ASPH: variants seen among roughly 807,000 people sequenced by gnomAD.
ASPH encodes aspartate beta-hydroxylase, also known as aspartyl/asparaginyl beta-hydroxylase.
In ASPH, 100 loss-of-function variants were observed where a neutral mutation model predicts 118.4. The ratio of observed to expected loss-of-function variants is 0.84; its 90% CI spans 0.72 to 1.00. ASPH has a LOEUF of 1.00. Ranked by LOEUF, ASPH falls within the 50% of genes least tolerant of loss-of-function variation. The pLI is 0.00. For missense variants in ASPH, 920 were observed against 919.5 expected, an observed-to-expected ratio of 1.00 and a Z score of -0.01; for synonymous variants, 315 against 325.6, an observed-to-expected ratio of 0.97 and a Z score of 0.35.
intron 12 of ASPH, among the ~76,000 whole-genome samples, chr8:61,636,414 G>T (rs936969453): frequency 6.6e-6 from 1 of 152,182 alleles, no homozygotes; most frequent in Non-Finnish European, 1.5e-5. Context: ...CCATGTTTCT[G>T]GTCTGGGAAT....
intron 1 of ASPH, among the ~76,000 whole-genome samples, chr8:61,692,701 G>A (rs1359786183): frequency 2.6e-5 from 4 of 152,082 alleles, no homozygotes; most frequent in African/African-American, 2.4e-5. Flanking sequence ...CTCTGAGCAC[G>A]TCAGAGTCAA....
intron 16 of ASPH, among the ~76,000 whole-genome samples, chr8:61,567,543 GT>G (rs1832117630): frequency 6.6e-6 from 1 of 152,188 alleles, no homozygotes; most frequent in Non-Finnish European, 1.5e-5. Flanking sequence ...AAGAAAGAAT[GT>G]CATAAATGCA....
At position 61,567,319 on chromosome 8, in the gene ASPH, C is replaced by G. The variant is rs1832032942; in HGVS notation, c.1150-1G>C. On this transcript the variant is annotated splice_acceptor_variant, in intron 16 of 24. Transcript: ENST00000379454. LOFTEE classifies it high-confidence loss of function. ...TCTTCTCAGCCAAATCATCCTCACA[C>G]TAGAAGAAGTCCCCAGACTGGATAA... The G allele has an allele frequency of 1.9e-6, 3 of 1,613,016 alleles. No individual in the cohort carries two copies. Among genetic ancestry groups the G allele is most frequent in the East Asian group, 4.5e-5 (2 of 44,856 alleles).
chr8:61,573,662 T>C (rs1281126379), intron 16 of ASPH, among the ~76,000 whole-genome samples: 1 of 152,202 alleles, frequency 6.6e-6, no homozygotes, highest in Admixed American at 6.5e-5. Flanking sequence ...GCTAGCCATA[T>C]GCAGAAAACT....
At chr8:61,641,144 A>G (rs1449567645) in intron 10 of ASPH, among the ~76,000 whole-genome samples, 1 of 152,216 alleles carries the variant, frequency 6.6e-6, no homozygotes, top group Non-Finnish European at 1.5e-5. Flanking sequence ...AATCATGTCA[A>G]TCTCTTAGGT....
chr8:61,524,426 T>C (rs1414073275), intron 22 of ASPH, among the ~76,000 whole-genome samples: 1 of 151,854 alleles, frequency 6.6e-6, no homozygotes, highest in Non-Finnish European at 1.5e-5. Context: ...AATTAGAAAA[T>C]ATAATCATAA....
chr8:61,703,706 C>A (rs571206408), intron 1 of ASPH, among the ~76,000 whole-genome samples: 1 of 152,120 alleles, frequency 6.6e-6, no homozygotes, highest in African/African-American at 2.4e-5. Context: ...AGTTGGTCTA[C>A]GGAGTCAATG....
chr8:61,661,532 CAGG>C (rs1229145057), intron 3 of ASPH: 1 of 159,606 alleles, frequency 6.3e-6, no homozygotes, highest in African/African-American at 2.4e-5. Context: ...TGGGCATTAA[CAGG>C]AGAAGAAATA....
chr8:61,524,351 A>G (rs1253498342), intron 22 of ASPH, among the ~76,000 whole-genome samples: 1 of 152,204 alleles, frequency 6.6e-6, no homozygotes, highest in African/African-American at 2.4e-5. Context: ...CAATCAAAAT[A>G]TTTAAAAGAA....
At chr8:61,582,656 C>T (rs1563911118) in intron 15 of ASPH, among the ~76,000 whole-genome samples, 1 of 152,210 alleles carries the variant, frequency 6.6e-6, no homozygotes, top group Non-Finnish European at 1.5e-5. Flanking sequence ...TCACCTAATG[C>T]CAGTTCCAAA....
intron 15 of ASPH, 57 bp downstream of exon 15, chr8:61,583,887 G>T: frequency 1.3e-5 from 14 of 1,106,056 alleles, no homozygotes; most frequent in Non-Finnish European, 1.7e-5. Flanking sequence ...AACAAATCAA[G>T]AGTAATGCCT....
Position 61,653,568 on chromosome 8 carries a change from C to T in ASPH, c.415G>A (p.Glu139Lys). The change falls in exon 4 of 25, where the codon GAA becomes AAA. Residue 139 changes from glutamate (E) to lysine (K), a missense_variant and splice_region_variant. Coordinates refer to ENST00000379454, the MANE Select transcript of ASPH (RefSeq NM_004318.4). The part of the protein sequence containing the change: ...EPEEQVPVEA[E>K]PQNIEDEAKE... ...GACTCGAGGATGAGGACAAGCTTAC[C>T]TGCCTCCACAGGAACCTGCTCCTCG... 1 of 1,613,692 alleles carries T rather than the reference C, an allele frequency of 6.2e-7. No individual in the cohort carries two copies. The highest frequency in any genetic ancestry group is 8.5e-7 in the Non-Finnish European group (1 of 1,179,882).
intron 11 of ASPH, 23 bp from the exon 12 acceptor site, chr8:61,638,026 A>T (rs1421272153): frequency 1.8e-5 from 29 of 1,594,628 alleles, no homozygotes; most frequent in Non-Finnish European, 2.5e-5. Context: ...ATAAAATCAG[A>T]ATCCATTACA....
At chr8:61,560,379 A>T (rs1829395475) in intron 18 of ASPH, among the ~76,000 whole-genome samples, 3 of 152,254 alleles carry the variant, frequency 2.0e-5, no homozygotes. Context: ...AAGCTGGAAA[A>T]ATAAAAATAT....
At chr8:61,546,216 A>C (rs1397835193) in intron 21 of ASPH, among the ~76,000 whole-genome samples, 1 of 152,202 alleles carries the variant, frequency 6.6e-6, no homozygotes, top group Non-Finnish European at 1.5e-5. Flanking sequence ...AGCCAAGAAC[A>C]TCTTCCCTTG....
Position 61,606,941 on chromosome 8 carries a change from C to T in ASPH, c.976+12037G>A, listed in dbSNP as rs7826220. On this transcript the variant is annotated intron_variant, in intron 14 of 24. Coordinates refer to ENST00000379454, the MANE Select transcript of ASPH (RefSeq NM_004318.4). ...TACTTCAGTATCTGGGTTCACAGGG[C>T]TCTTGCATGGATGTAATCCTCACCC... is the stretch of plus-strand genomic sequence containing the variant. The T allele has an allele frequency of 3.4e-3, 784 of 232,428 alleles. 7 individuals carry two copies. The highest frequency in any genetic ancestry group is 0.016 in the African/African-American group (705 of 44,374). 14.4% of individuals were successfully genotyped at this position (232,428 alleles called of 1,614,324 possible).
At chr8:61,664,009 T>TA in intron 3 of ASPH, 1 of 873,210 alleles carries the variant, frequency 1.1e-6, no homozygotes, top group African/African-American at 1.8e-5. Context: ...AATAAAATCT[T>TA]AGTGGTAGCA....
intron 14 of ASPH, among the ~76,000 whole-genome samples, chr8:61,600,358 T>C (rs948507673): frequency 2.1e-5 from 3 of 146,286 alleles, no homozygotes; most frequent in Admixed American, 2.0e-4. Flanking sequence ...TTGTTTAACA[T>C]AGTATTGGAG....
rs1048454252 is a variant in ASPH at position 61,503,424 on chromosome 8, A to G, written c.2212T>C (p.Phe738Leu). 7 of 1,613,182 alleles carry G rather than the reference A, an allele frequency of 4.3e-6. 1 individual carries two copies. In the Admixed American group the frequency reaches 6.7e-5, roughly 15 times the overall value. The change falls in exon 25 of 25, where the codon TTC becomes CTC. Residue 738 changes from phenylalanine (F) to leucine (L), a missense_variant. Phe to Leu is a conservative substitution (Grantham distance 22, BLOSUM62 0). Coordinates refer to ENST00000379454, the MANE Select transcript of ASPH (RefSeq NM_004318.4). The part of the protein sequence containing the change: ...WQDASSFRLI[F>L]IVDVWHPELT... ...TCCGGATGCCACACATCCACGATGA[A>G]TATCAGCCGGAAAGATGAGGCATCC... is the stretch of plus-strand genomic sequence containing the variant.
Sources: allele counts gnomAD v4.1 joint callset (sites outside exome capture counted in the v4.1 genomes callset), GRCh38; gene constraint gnomAD v4.1.1; transcripts MANE v1.5; gene names NCBI Gene and HGNC (gene_info 2026-07-23, HGNC 2026-07-21).